The following ROBO1 variants were observed in gnomAD, a reference collection of about 807,000 sequenced individuals.
ROBO1 encodes the protein roundabout homolog 1.
ROBO1 carries 149 observed loss-of-function variants against 195.9 expected under a neutral mutation model. The ratio of observed to expected loss-of-function variants is 0.76; its 90% CI spans 0.67 to 0.87. The LOEUF is 0.87. ROBO1 is among the 40% of genes least tolerant of loss of function. ROBO1 has a pLI of 0.00. For synonymous variants in ROBO1, 816 were observed against 733.2 expected, an observed-to-expected ratio of 1.11 and a Z score of -1.82; for missense variants, 1,933 against 2,068.3, an observed-to-expected ratio of 0.93 and a Z score of 1.27.
At chr3:79,633,509 A>G (rs1007547446) in intron 1 of ROBO1, among the ~76,000 whole-genome samples, 3 of 151,880 alleles carry the variant, frequency 2.0e-5, no homozygotes, top group Non-Finnish European at 2.9e-5. Flanking sequence ...TTATTTCTGA[A>G]TTATGAGAAT....
At chr3:79,512,952 G>A (rs1239361792) in intron 2 of ROBO1, 1 of 152,126 alleles carries the variant, frequency 6.6e-6, no homozygotes. Flanking sequence ...ACTGAAAGCT[G>A]CTGTTTGTAT....
At chr3:79,518,054 C>T (rs1941029057) in intron 2 of ROBO1, among the ~76,000 whole-genome samples, 1 of 152,156 alleles carries the variant, frequency 6.6e-6, no homozygotes, top group Non-Finnish European at 1.5e-5. Flanking sequence ...GCTTGCATTG[C>T]TGTCTGAGTG....
chr3:79,356,587 T>C (rs972804665), intron 2 of ROBO1, among the ~76,000 whole-genome samples: 5 of 152,176 alleles, frequency 3.3e-5, no homozygotes, highest in African/African-American at 1.2e-4. Flanking sequence ...CTTTCAACTG[T>C]AAATGTATTC....
intron 2 of ROBO1, among the ~76,000 whole-genome samples, chr3:79,450,678 G>A (rs1441514649): frequency 6.6e-6 from 1 of 151,716 alleles, no homozygotes; most frequent in East Asian, 1.9e-4. Flanking sequence ...TTCTATAGTG[G>A]CATTTTATAA....
chr3:79,589,892 G>T lies in ROBO1; in HGVS notation c.20C>A (p.Pro7His), dbSNP rs768169545. 1 of 1,610,486 alleles carries T rather than the reference G, an allele frequency of 6.2e-7. No individual in the cohort carries two copies. Among genetic ancestry groups the T allele is most frequent in the Non-Finnish European group, 8.5e-7 (1 of 1,177,580 alleles). Residue 7 changes from proline (P) to histidine (H), a missense_variant, in exon 2 of 31, where the codon CCT becomes CAT. By Grantham distance (77) the Pro-to-His change is moderately conservative. This residue lies in a region of ROBO1 where 185 missense variants were observed against 159.5 expected (regional missense o/e 1.16). Transcript: ENST00000464233. ...GAGGAGTGATATCATGACCAAAAAA[G>T]GAACATGTTTCCATTTCATCTTTGT... MKWKHV[P>H]FLVMISLLSL...
At chr3:79,317,412 T>A (rs533753013) in intron 2 of ROBO1, among the ~76,000 whole-genome samples, 1 of 152,242 alleles carries the variant, frequency 6.6e-6, no homozygotes, top group South Asian at 2.1e-4. Context: ...AGCTTCCATA[T>A]CTCCATATTT....
At chr3:78,691,998 T>C (rs17016456) in intron 8 of ROBO1, among the ~76,000 whole-genome samples, 27,890 of 151,410 alleles carry the variant, frequency 0.18, 3,171 homozygotes, top group East Asian at 0.5. Flanking sequence ...CTAGTCTATT[T>C]AGGCATTTTT....
chr3:79,192,850 T>C (rs1268591916), intron 2 of ROBO1, among the ~76,000 whole-genome samples: 1 of 151,596 alleles, frequency 6.6e-6, no homozygotes, highest in Non-Finnish European at 1.5e-5. Context: ...TCTGTTTATT[T>C]AGGAGGGGAA....
intron 3 of ROBO1, among the ~76,000 whole-genome samples, chr3:78,946,829 T>C (rs1236501137): frequency 6.6e-6 from 1 of 151,988 alleles, no homozygotes; most frequent in Non-Finnish European, 1.5e-5. Context: ...TGGAGAAAGA[T>C]CTACCAAGCA....
At chr3:78,899,941 C>T (rs531935241) in intron 4 of ROBO1, among the ~76,000 whole-genome samples, 8 of 152,250 alleles carry the variant, frequency 5.3e-5, no homozygotes, top group African/African-American at 1.4e-4. Context: ...CTTTCCACAG[C>T]GTCTGATGTT....
intron 2 of ROBO1, among the ~76,000 whole-genome samples, chr3:79,558,222 G>C (rs915004498): frequency 2.0e-5 from 3 of 151,898 alleles, no homozygotes; most frequent in African/African-American, 7.3e-5. Context: ...TCTACCTCAA[G>C]TTTTCTTCCA....
At chr3:79,761,882 A>G (rs1369198470) in intron 1 of ROBO1, among the ~76,000 whole-genome samples, 1 of 152,180 alleles carries the variant, frequency 6.6e-6, no homozygotes, top group Non-Finnish European at 1.5e-5. Flanking sequence ...CCCTGTTCCT[A>G]GTTACACCTG....
chr3:79,597,232 A>G (rs1466672551), intron 1 of ROBO1, among the ~76,000 whole-genome samples: 1 of 151,860 alleles, frequency 6.6e-6, no homozygotes, highest in Non-Finnish European at 1.5e-5. Context: ...CTCTACTGAT[A>G]ATTTGCTACT....
rs535150236 is a variant in ROBO1, at chr3:78,677,436, A to G, written c.1343-7135T>C. ...GCTGTATTCAGGAAACCCATCTCAC[A>G]TGCAGAGACACACACAGGCTCAAAA... On this transcript the variant is annotated intron_variant, in intron 10 of 30. Transcript: ENST00000464233. 8.5e-5 allele frequency among the ~76,000 whole-genome samples: 13 copies of G among 152,238 alleles called. No homozygotes were observed. The East Asian group carries it at 2.1e-3, about 25-fold the overall frequency.
At chr3:79,212,229 G>T (rs2081979041) in intron 2 of ROBO1, among the ~76,000 whole-genome samples, 1 of 152,194 alleles carries the variant, frequency 6.6e-6, no homozygotes, top group Admixed American at 6.5e-5. Context: ...GTGCTGCAGA[G>T]ATTTAGTTTA....
At chr3:78,677,871 A>T (rs983626431) in intron 10 of ROBO1, among the ~76,000 whole-genome samples, 11 of 150,984 alleles carry the variant, frequency 7.3e-5, no homozygotes, top group African/African-American at 2.7e-4. Context: ...CAGAATATAC[A>T]TTTTTTTCAG....
chr3:78,682,458 T>C (rs1335967414), intron 10 of ROBO1, among the ~76,000 whole-genome samples: 1 of 145,456 alleles, frequency 6.9e-6, no homozygotes, highest in African/African-American at 2.7e-5. Flanking sequence ...TATATGTATA[T>C]ATATGTATAT....
At chr3:79,745,268 C>G (rs943622843) in intron 1 of ROBO1, among the ~76,000 whole-genome samples, 1 of 152,036 alleles carries the variant, frequency 6.6e-6, no homozygotes, top group Non-Finnish European at 1.5e-5. Flanking sequence ...GATGTAACAT[C>G]TAAATAGAAT....
At chr3:79,388,083 T>A (rs1270714577) in intron 2 of ROBO1, among the ~76,000 whole-genome samples, 1 of 152,186 alleles carries the variant, frequency 6.6e-6, no homozygotes, top group Non-Finnish European at 1.5e-5. Context: ...AAGACTATTA[T>A]CAATGTCATC....
Sources: gnomAD v4.1 joint callset for allele counts (sites outside exome capture counted in the v4.1 genomes callset) on GRCh38, gnomAD v4.1.1 for gene constraint, gnomAD v4.1.1 regional missense constraint, MANE v1.5 for transcripts, NCBI Gene and HGNC (gene_info 2026-07-23, HGNC 2026-07-21) for gene names.